Variants in SLC9A4 observed in about 807,000 individuals in gnomAD.
SLC9A4 encodes the protein sodium/hydrogen exchanger 4.
A neutral mutation model predicts 67.4 loss-of-function variants in SLC9A4; 63 were observed. That is an observed-to-expected ratio of 0.93 (90% CI 0.76 to 1.15). The LOEUF (loss-of-function observed/expected upper bound fraction) is 1.15, where lower values mean the gene tolerates loss of function less well. SLC9A4 is among the 50% of genes most tolerant of loss of function. The pLI is 0.00. For missense variants in SLC9A4, 1,089 were observed against 987.7 expected (o/e 1.10, Z -1.38); for synonymous variants, 393 against 367.2 (o/e 1.07, Z -0.80).
At chr2:102,522,152 C>T (rs1042518356) in intron 9 of SLC9A4, among the ~76,000 whole-genome samples, 8 of 152,222 alleles carry the variant, frequency 5.3e-5, no homozygotes, top group Admixed American at 3.3e-4. Context: ...AAACTGGCTT[C>T]AGCCCAGACC....
intron 1 of SLC9A4, 142 bp from the exon 2 acceptor site, chr2:102,478,697 C>T (rs1684384713): frequency 3.9e-6 from 3 of 763,284 alleles, no homozygotes; most frequent in Non-Finnish European, 6.2e-6. Context: ...CATGACACTA[C>T]CAGTTCCTGC....
intron 2 of SLC9A4, among the ~76,000 whole-genome samples, chr2:102,481,860 C>T (rs1684471222): frequency 6.6e-6 from 1 of 151,496 alleles, no homozygotes. Flanking sequence ...ATTTTTTTCC[C>T]ATTTACAATT....
At position 102,503,641 on chromosome 2, in the gene SLC9A4, T is replaced by C; in HGVS notation, c.914T>C (p.Ile305Thr). The C allele has an allele frequency of 6.2e-7, 1 of 1,614,220 alleles. No homozygotes were observed. Among genetic ancestry groups the C allele is most frequent in the Non-Finnish European group, 8.5e-7 (1 of 1,180,038 alleles). The change falls in exon 3 of 12, where the codon ATC (isoleucine) becomes ACC (threonine). Residue 305 changes from isoleucine (I) to threonine (T), a missense_variant. By Grantham distance (89) the Ile-to-Thr change is moderately conservative. Coordinates refer to ENST00000295269, the MANE Select transcript of SLC9A4 (RefSeq NM_001011552.4). The part of the protein sequence containing the change: ...TQNISAIEPL[I>T]VFMFSYLSYL... ...AATATCTCTGCAATTGAGCCACTCA[T>C]CGTCTTCATGTTCAGCTATTTGTCT... is the stretch of plus-strand genomic sequence containing the variant.
chr2:102,532,658 G>T lies in SLC9A4; in HGVS notation c.2367G>T (p.Arg789Ser), dbSNP rs1674803685. 1 of 1,613,574 alleles carries T rather than the reference G, an allele frequency of 6.2e-7. No homozygotes were observed. The highest frequency in any genetic ancestry group is 8.5e-7 in the Non-Finnish European group (1 of 1,179,754). ...ATGGACACGGCAGGGACCATCACAG[G>T]TCCCATAGTCCTTTGCTCCAAAAAA... The part of the protein sequence containing the change: ...ADHGHGRDHH[R>S]SHSPLLQKK The change falls in exon 12 of 12, where the codon AGG becomes AGT. Residue 789 changes from arginine (R) to serine (S), a missense_variant. By Grantham distance (110) the Arg-to-Ser change is moderately radical. Transcript: ENST00000295269.
intron 2 of SLC9A4, among the ~76,000 whole-genome samples, chr2:102,490,924 G>A (rs1684685117): frequency 6.6e-6 from 1 of 152,216 alleles, no homozygotes; most frequent in Non-Finnish European, 1.5e-5. Flanking sequence ...TTATAGAGCA[G>A]TTACCATATT....
In SLC9A4 at chr2:102,505,000, A is replaced by G. The variant is rs1376180106; in HGVS notation, c.981-254A>G. Among the ~76,000 whole-genome samples the G allele has an allele frequency of 2.0e-5, 3 of 152,236 alleles. No homozygotes were observed. In the East Asian group the frequency reaches 5.8e-4, roughly 29 times the overall value. On this transcript the variant is annotated intron_variant, in intron 3 of 11. Coordinates refer to ENST00000295269, the MANE Select transcript of SLC9A4 (RefSeq NM_001011552.4). The stretch of plus-strand genomic sequence containing the variant: ...TTCTGCATTGGGTGTGCCCATGCGA[A>G]TTACGTGTCCTTTTATTTCACCGTG...
rs1251666321 is a variant in SLC9A4 at position 102,478,904 on chromosome 2, G to C, written c.322G>C (p.Ala108Pro). ...AAGCTGCCTCCTCATCCTGGTGGGG[G>C]CGCTGGTGGGCGGCATCATCTTCGG... Reference protein sequence around the residue: ...PESCLLILVGALVGGIIFGTD... With the variant: ...PESCLLILVGPLVGGIIFGTD... The change falls in exon 2 of 12, where the codon GCG becomes CCG. Residue 108 changes from alanine (A) to proline (P), a missense_variant. Ala to Pro is a conservative substitution (Grantham distance 27). Transcript: ENST00000295269. 2 of 1,614,040 alleles carry C rather than the reference G, an allele frequency of 1.2e-6. No individual in the cohort carries two copies. The highest frequency in any genetic ancestry group is 4.5e-5 in the East Asian group (2 of 44,886).
intron 6 of SLC9A4, among the ~76,000 whole-genome samples, chr2:102,510,272 C>CAGATACAGATACAGATATAGATATAT (rs61491026): frequency 1.6e-5 from 2 of 126,324 alleles, no homozygotes; most frequent in Middle Eastern, 3.9e-3. Flanking sequence ...GATACAGATA[C>CAGATACAGATACAGATATAGATATAT]AGATATAGAT....
Position 102,479,297 on chromosome 2 carries a change from A to G in SLC9A4, c.715A>G (p.Thr239Ala), listed in dbSNP as rs763128592. The G allele has an allele frequency of 3.7e-6, 6 of 1,606,932 alleles. No homozygotes were observed. Among genetic ancestry groups the G allele is most frequent in the Non-Finnish European group, 4.2e-6 (5 of 1,176,806 alleles). The part of the protein sequence containing the change: ...FGEALLNDGI[T>A]VVLYNMLIAF... ...GGAGGCCCTGCTCAATGATGGCATTACTGTGGTGAGATGTCATGTGCCCGC... is the reference window on the plus strand; with the variant it reads ...GGAGGCCCTGCTCAATGATGGCATTGCTGTGGTGAGATGTCATGTGCCCGC... The change falls in exon 2 of 12, where the codon ACT (threonine) becomes GCT (alanine). Residue 239 changes from threonine (T) to alanine (A), a missense_variant. Transcript: ENST00000295269.
intron 2 of SLC9A4, among the ~76,000 whole-genome samples, chr2:102,482,761 A>C (rs1684492553): frequency 6.6e-6 from 1 of 152,236 alleles, no homozygotes; most frequent in Non-Finnish European, 1.5e-5. Flanking sequence ...GCAATTATTC[A>C]ACCTCTCCTT....
chr2:102,508,691 A>G (rs1016043847), intron 5 of SLC9A4, among the ~76,000 whole-genome samples, 156 bp from the exon 6 acceptor site: 1 of 152,252 alleles, frequency 6.6e-6, no homozygotes, highest in Non-Finnish European at 1.5e-5. Context: ...ACTTAAAGGA[A>G]TGGAAAACTG....
intron 8 of SLC9A4, among the ~76,000 whole-genome samples, chr2:102,514,856 G>A (rs72993730): frequency 1.3e-5 from 2 of 152,142 alleles, no homozygotes; most frequent in Non-Finnish European, 2.9e-5. Context: ...GATTCCTGGG[G>A]AACAGGGAGT....
At position 102,508,218 on chromosome 2, in the gene SLC9A4, T is replaced by C; in HGVS notation, c.1338T>C (p.Phe446=). 1.2e-6 allele frequency: 2 copies of C among 1,614,230 alleles called. No individual in the cohort carries two copies. The highest frequency in any genetic ancestry group is 1.7e-6 in the Non-Finnish European group (2 of 1,180,048). Residue 446 remains phenylalanine, a synonymous_variant, in exon 5 of 12, where the codon TTT becomes TTC. Coordinates refer to ENST00000295269, the MANE Select transcript of SLC9A4 (RefSeq NM_001011552.4). ...CATTTTTGCTTCCTCTGTCTCTTTT[T>C]CCTAGGAAGAAAATGTTTGTCACTG... ...SLAFLLPLSL[F]PRKKMFVTAT... is the part of the protein sequence containing the mutation.
chr2:102,477,158 C>T (rs1290409739), intron 1 of SLC9A4, among the ~76,000 whole-genome samples: 2 of 152,140 alleles, frequency 1.3e-5, no homozygotes, highest in East Asian at 3.8e-4. Flanking sequence ...CAAGGTCTTC[C>T]ATTATTTGTT....
At chr2:102,476,441 T>C (rs1684333966) in intron 1 of SLC9A4, among the ~76,000 whole-genome samples, 1 of 152,226 alleles carries the variant, frequency 6.6e-6, no homozygotes, top group Non-Finnish European at 1.5e-5. Context: ...AGCATTTCCC[T>C]TTACAAGGCC....
At chr2:102,483,304 T>C (rs1360193520) in intron 2 of SLC9A4, among the ~76,000 whole-genome samples, 1 of 152,120 alleles carries the variant, frequency 6.6e-6, no homozygotes, top group African/African-American at 2.4e-5. Context: ...CAGGGCCATA[T>C]TTAGAACACA....
At chr2:102,488,263 G>T (rs992560317) in intron 2 of SLC9A4, among the ~76,000 whole-genome samples, 2 of 152,090 alleles carry the variant, frequency 1.3e-5, no homozygotes, top group Non-Finnish European at 2.9e-5. Context: ...CCGGTGTCAC[G>T]TGAAAAACCC....
chr2:102,511,579 T>C (rs1685163410), intron 6 of SLC9A4, among the ~76,000 whole-genome samples: 1 of 151,996 alleles, frequency 6.6e-6, no homozygotes, highest in African/African-American at 2.4e-5. Flanking sequence ...GGAGACTAAT[T>C]TCATAATTAT....
intron 2 of SLC9A4, among the ~76,000 whole-genome samples, chr2:102,493,904 C>T (rs1684755200): frequency 6.6e-6 from 1 of 151,826 alleles, no homozygotes; most frequent in Admixed American, 6.6e-5. Context: ...TTCCCAGACC[C>T]CAGTCTATAG....
Sources: gnomAD v4.1 joint callset for allele counts (sites outside exome capture counted in the v4.1 genomes callset) on GRCh38, gnomAD v4.1.1 for gene constraint, MANE v1.5 for transcripts, NCBI Gene and HGNC (gene_info 2026-07-23, HGNC 2026-07-21) for gene names.